Variants in RNGTT observed in about 807,000 individuals in gnomAD.
RNGTT encodes the protein RNA guanylyltransferase and 5'-phosphatase.
Under a neutral mutation model 79.3 loss-of-function variants are expected in RNGTT, and 33 were observed. The observed-to-expected ratio is 0.42, with a 90% CI of 0.32 to 0.56. RNGTT has a LOEUF of 0.56. RNGTT is among the 20% of genes least tolerant of loss of function. The pLI is 0.17. For missense variants in RNGTT, 497 were observed against 739.1 expected (o/e 0.67, Z 3.80); for synonymous variants, 222 against 235.9 (o/e 0.94, Z 0.54).
At chr6:88,785,916 C>T (rs774405745) in intron 12 of RNGTT, among the ~76,000 whole-genome samples, 35 of 152,102 alleles carry the variant, frequency 2.3e-4, no homozygotes, top group Non-Finnish European at 4.9e-4. Context: ...ATACCAGATA[C>T]ATAAAATCAA....
intron 13 of RNGTT, among the ~76,000 whole-genome samples, chr6:88,713,013 T>G (rs1206659081): frequency 6.6e-6 from 1 of 152,180 alleles, no homozygotes; most frequent in Non-Finnish European, 1.5e-5. Context: ...GTGGTAACTT[T>G]TCCCCAACAT....
intron 13 of RNGTT, among the ~76,000 whole-genome samples, chr6:88,730,372 C>T (rs1386778409): frequency 6.6e-6 from 1 of 152,124 alleles, no homozygotes; most frequent in Non-Finnish European, 1.5e-5. Flanking sequence ...GCCATCTAAC[C>T]CTAGCCAATA....
intron 4 of RNGTT, among the ~76,000 whole-genome samples, chr6:88,920,792 GCA>G (rs1306671156): frequency 2.0e-5 from 3 of 152,148 alleles, no homozygotes; most frequent in African/African-American, 7.2e-5. Context: ...TATAAATTGT[GCA>G]GTTGTATTCT....
intron 9 of RNGTT, among the ~76,000 whole-genome samples, chr6:88,852,292 C>A (rs1008960440): frequency 8.5e-5 from 13 of 152,098 alleles, no homozygotes; most frequent in East Asian, 1.9e-4. Flanking sequence ...AGGCACTCAA[C>A]AAACATTAGT....
intron 12 of RNGTT, among the ~76,000 whole-genome samples, chr6:88,799,142 G>A (rs186064489): frequency 6.6e-6 from 1 of 150,442 alleles, no homozygotes; most frequent in East Asian, 2.0e-4. Flanking sequence ...CTCAGTTACA[G>A]AACAGAAAAA....
intron 6 of RNGTT, among the ~76,000 whole-genome samples, chr6:88,902,929 C>T (rs1783522284): frequency 6.6e-6 from 1 of 151,918 alleles, no homozygotes; most frequent in Non-Finnish European, 1.5e-5. Flanking sequence ...CTCCTGACCT[C>T]ACGATCCACC....
intron 13 of RNGTT, among the ~76,000 whole-genome samples, chr6:88,689,489 G>A (rs1160211119): frequency 6.6e-6 from 1 of 151,446 alleles, no homozygotes; most frequent in Admixed American, 6.6e-5. Flanking sequence ...AGTTACTCAG[G>A]AAGTTGAAGC....
At chr6:88,873,661 C>T (rs994622014) in intron 8 of RNGTT, among the ~76,000 whole-genome samples, 1 of 152,090 alleles carries the variant, frequency 6.6e-6, no homozygotes, top group Admixed American at 6.5e-5. Flanking sequence ...ATATGTTTTT[C>T]GTGTTTGTCC....
intron 14 of RNGTT, among the ~76,000 whole-genome samples, chr6:88,650,401 T>A (rs763433382): frequency 1.3e-5 from 2 of 152,182 alleles, no homozygotes; most frequent in Non-Finnish European, 2.9e-5. Context: ...AAACATCTGT[T>A]CCTTCTCCCT....
chr6:88,794,417 T>TA lies in RNGTT; in HGVS notation c.1338+7146dup, dbSNP rs141957233. Among the ~76,000 whole-genome samples, 839 of 152,312 alleles carry TA rather than the reference T, an allele frequency of 5.5e-3. 8 individuals carry two copies. Among genetic ancestry groups the TA allele is most frequent in the African/African-American group, 0.017 (726 of 41,572 alleles). ...TTTAAAAGGTATTTACCTACATTGA[T>TA]AACATAAAAAACTAGTCAAATCTGA... is the stretch of plus-strand genomic sequence containing the variant. On this transcript the variant is annotated intron_variant, in intron 12 of 15. Transcript: ENST00000369485.
intron 1 of RNGTT, among the ~76,000 whole-genome samples, chr6:88,962,350 G>A (rs543151991): frequency 2.6e-5 from 4 of 152,150 alleles, no homozygotes; most frequent in African/African-American, 4.8e-5. Flanking sequence ...ACAAAAACCC[G>A]GCCAAGCGGG....
chr6:88,941,048 CA>C, intron 2 of RNGTT, 22 bp downstream of exon 2: 1 of 1,430,764 alleles, frequency 7.0e-7, no homozygotes, highest in South Asian at 1.2e-5. Flanking sequence ...AAATCAGTGA[CA>C]AAAATAAATT....
At chr6:88,712,676 A>C (rs1776358104) in intron 13 of RNGTT, among the ~76,000 whole-genome samples, 1 of 152,144 alleles carries the variant, frequency 6.6e-6, no homozygotes, top group Non-Finnish European at 1.5e-5. Flanking sequence ...CTAATTTTAA[A>C]CTTCTTTAGT....
intron 15 of RNGTT, 48 bp from the exon 16 acceptor site, chr6:88,612,930 C>T: frequency 1.3e-6 from 2 of 1,558,164 alleles, no homozygotes; most frequent in Non-Finnish European, 1.8e-6. Flanking sequence ...ATTAAGGCAG[C>T]TGACTCACCA....
At chr6:88,874,316 G>A (rs1582568728) in intron 8 of RNGTT, among the ~76,000 whole-genome samples, 1 of 152,022 alleles carries the variant, frequency 6.6e-6, no homozygotes, top group Admixed American at 6.5e-5. Flanking sequence ...GCCACTTAAC[G>A]TATTCTGGGC....
chr6:88,766,802 A>G (rs1230642421), intron 13 of RNGTT, among the ~76,000 whole-genome samples: 1 of 152,108 alleles, frequency 6.6e-6, no homozygotes, highest in Non-Finnish European at 1.5e-5. Flanking sequence ...AAGATATTCT[A>G]TTCCATTTTA....
At chr6:88,868,322 T>A (rs1040219398) in intron 8 of RNGTT, among the ~76,000 whole-genome samples, 3 of 152,190 alleles carry the variant, frequency 2.0e-5, no homozygotes, top group African/African-American at 7.2e-5. Flanking sequence ...AAAGTTTAAA[T>A]CAGAAGCTTA....
At chr6:88,888,679 T>C (rs1440651374) in intron 8 of RNGTT, among the ~76,000 whole-genome samples, 2 of 152,196 alleles carry the variant, frequency 1.3e-5, no homozygotes, top group Non-Finnish European at 2.9e-5. Context: ...CAAATAAACA[T>C]ATAAATATCA....
intron 8 of RNGTT, among the ~76,000 whole-genome samples, chr6:88,865,394 C>G (rs1057194290): frequency 4.6e-5 from 7 of 151,926 alleles, no homozygotes; most frequent in Non-Finnish European, 5.9e-5. Flanking sequence ...AGTTTAAGAA[C>G]CCTATAAACA....
Sources: allele counts gnomAD v4.1 joint callset (sites outside exome capture counted in the v4.1 genomes callset), GRCh38; gene constraint gnomAD v4.1.1; transcripts MANE v1.5; gene names NCBI Gene and HGNC (gene_info 2026-07-23, HGNC 2026-07-21).